IFIH1: variants seen among roughly 807,000 people sequenced by gnomAD.
IFIH1 encodes interferon induced with helicase C domain 1, also known as interferon-induced helicase C domain-containing protein 1.
In IFIH1, 125 loss-of-function variants were observed where a neutral mutation model predicts 107.4. That is an observed-to-expected ratio of 1.16 (90% confidence interval 1.01 to 1.35). The LOEUF is 1.35. Ranked by LOEUF, IFIH1 falls within the 40% of genes most tolerant of loss-of-function variation. The pLI, the probability that IFIH1 is intolerant of heterozygous loss-of-function variation, is 0.00. For synonymous variants in IFIH1, 458 were observed against 413.2 expected (o/e 1.11, Z -1.31); for missense variants, 1,333 against 1,213.7 (o/e 1.10, Z -1.46).
chr2:162,290,872 T>C (rs904627462), intron 4 of IFIH1, among the ~76,000 whole-genome samples: 1 of 151,906 alleles, frequency 6.6e-6, no homozygotes, highest in African/African-American at 2.4e-5. Flanking sequence ...TCACATCCTC[T>C]GACACAGGGA....
At chr2:162,273,672 C>A in intron 12 of IFIH1, 123 bp downstream of exon 12, 1 of 734,604 alleles carries the variant, frequency 1.4e-6, no homozygotes, top group South Asian at 2.3e-5. Flanking sequence ...GCTCTTTTAA[C>A]AGGAAAAAGG....
chr2:162,281,471 A>G lies in IFIH1; in HGVS notation c.1381T>C (p.Tyr461His). The change falls in exon 7 of 16, where the codon TAT becomes CAT. Residue 461 changes from tyrosine (Y) to histidine (H), a missense_variant. Transcript: ENST00000649979. ...EAVYNNIMRH[Y>H]LMQKLKNNRL... ...TTGTTTTTCAACTTCTGCATCAAATAATGCCTCATGATGTTATTATACACT... is the reference window on the plus strand; with the variant it reads ...TTGTTTTTCAACTTCTGCATCAAATGATGCCTCATGATGTTATTATACACT... The G allele has an allele frequency of 6.2e-7, 1 of 1,612,260 alleles. No homozygotes were observed. The highest frequency in any genetic ancestry group is 8.5e-7 in the Non-Finnish European group (1 of 1,178,818).
rs76533631 is a variant in IFIH1 at position 162,317,384 on chromosome 2, A to G, written c.453+471T>C. On this transcript the variant is annotated intron_variant, in intron 1 of 15. Coordinates refer to ENST00000649979, the MANE Select transcript of IFIH1 (RefSeq NM_022168.4). ...TTACTAACCCCTGCTCCATGGAACT[A>G]CATTAAATAAGAAAAACATTCAACA... Among the ~76,000 whole-genome samples, 21 of 152,324 alleles carry G rather than the reference A, an allele frequency of 1.4e-4. No individual in the cohort carries two copies. In the East Asian group the frequency reaches 3.3e-3, roughly 24 times the overall value.
chr2:162,282,348 AT>A lies in IFIH1; in HGVS notation c.1306+17del, dbSNP rs764572412. ...TATTACTATTAATTTTTTTAAAAAA[AT>A]AAACACTTAAACTGACCTGACAATT... On this transcript the variant is annotated intron_variant, in intron 6 of 15. Coordinates refer to ENST00000649979, the MANE Select transcript of IFIH1 (RefSeq NM_022168.4). 3 of 1,528,940 alleles carry A rather than the reference AT, an allele frequency of 2.0e-6. No individual in the cohort carries two copies. The highest frequency in any genetic ancestry group is 2.7e-6 in the Non-Finnish European group (3 of 1,125,360). 94.7% of individuals were successfully genotyped at this position (1,528,940 alleles called of 1,614,324 possible). A position where few individuals can be genotyped will look rare whatever the true frequency, so the allele number is the denominator to read the frequency against.
chr2:162,290,156 C>G (rs546130520), intron 4 of IFIH1, among the ~76,000 whole-genome samples: 140 of 151,658 alleles, frequency 9.2e-4, no homozygotes, highest in Non-Finnish European at 1.2e-3. Context: ...AGGAATAAAT[C>G]CTCTTTGTTT....
intron 1 of IFIH1, among the ~76,000 whole-genome samples, chr2:162,314,122 G>C (rs1358265873): frequency 6.6e-6 from 1 of 152,158 alleles, no homozygotes; most frequent in Admixed American, 6.5e-5. Context: ...CAGAGTTCAT[G>C]ACTGCCTAAA....
At position 162,268,222 on chromosome 2, in the gene IFIH1, T is replaced by C; in HGVS notation, c.2672A>G (p.Asn891Ser). The change falls in exon 14 of 16, where the codon AAT (asparagine) becomes AGT (serine). Residue 891 changes from asparagine to serine, a missense_variant. By Grantham distance (46) the Asn-to-Ser change is conservative. Coordinates refer to ENST00000649979, the MANE Select transcript of IFIH1 (RefSeq NM_022168.4). Reference sequence around the variant, plus strand: ...GTTATTCTTGTAATGCTTGGCAATATTTCTCTTGGTTTTCATTTTCTTTTC... The same window carrying C: ...GTTATTCTTGTAATGCTTGGCAATACTTCTCTTGGTTTTCATTTTCTTTTC... ...IMEKKMKTKR[N>S]IAKHYKNNPS... The C allele has an allele frequency of 6.2e-7, 1 of 1,612,878 alleles. No homozygotes were observed. Among genetic ancestry groups the C allele is most frequent in the South Asian group, 1.1e-5 (1 of 90,928 alleles).
At chr2:162,309,042 A>G (rs1683343153) in intron 2 of IFIH1, among the ~76,000 whole-genome samples, 1 of 152,214 alleles carries the variant, frequency 6.6e-6, no homozygotes, top group Admixed American at 6.5e-5. Context: ...TGGGACAGGC[A>G]TAGGATGGAC....
chr2:162,292,369 G>A (rs1683009533), intron 4 of IFIH1, among the ~76,000 whole-genome samples: 1 of 151,824 alleles, frequency 6.6e-6, no homozygotes, highest in Non-Finnish European at 1.5e-5. Flanking sequence ...AACAGAAAAT[G>A]AATTCACCCT....
At chr2:162,306,649 C>A (rs1358898012) in intron 3 of IFIH1, 60 bp downstream of exon 3, 2 of 1,394,952 alleles carry the variant, frequency 1.4e-6, no homozygotes, top group African/African-American at 1.4e-5. Context: ...TAGGTTCTGC[C>A]CAGTTGGTTT....
chr2:162,298,776 A>T (rs925112621), intron 3 of IFIH1, among the ~76,000 whole-genome samples: 19 of 150,750 alleles, frequency 1.3e-4, no homozygotes, highest in African/African-American at 4.4e-4. Context: ...CTACACACAC[A>T]CGCACGCGCG....
chr2:162,306,894 T>C (rs1683291152), intron 2 of IFIH1, 39 bp from the exon 3 acceptor site: 1 of 1,596,802 alleles, frequency 6.3e-7, no homozygotes, highest in African/African-American at 1.3e-5. Context: ...CATAGTGCCA[T>C]ACAAGTTTTT....
At position 162,267,545 on chromosome 2, in the gene IFIH1, G is replaced by C. The variant is rs1218023983; in HGVS notation, c.2832C>G (p.Asn944Lys). The change falls in exon 15 of 16, where the codon AAC becomes AAG. Residue 944 changes from asparagine to lysine, a missense_variant. By Grantham distance (94) the Asn-to-Lys change is moderately conservative. Coordinates refer to ENST00000649979, the MANE Select transcript of IFIH1 (RefSeq NM_022168.4). Reference sequence around the variant, plus strand: ...CGGCACACTTCTTTTGCAGTGCTTTGTTTTCTCTTACAATGTAAAGTTCCC... The same window carrying C: ...CGGCACACTTCTTTTGCAGTGCTTTCTTTTCTCTTACAATGTAAAGTTCCC... Reference protein sequence around the residue: ...EFKELYIVRENKALQKKCADY... With the variant: ...EFKELYIVREKKALQKKCADY... 1 of 1,612,038 alleles carries C rather than the reference G, an allele frequency of 6.2e-7. No homozygotes were observed. Among genetic ancestry groups the C allele is most frequent in the Non-Finnish European group, 8.5e-7 (1 of 1,178,104 alleles).
chr2:162,282,989 C>CATG (rs1485544258), intron 5 of IFIH1, among the ~76,000 whole-genome samples: 3 of 150,858 alleles, frequency 2.0e-5, no homozygotes, highest in African/African-American at 4.9e-5. Context: ...TCTAGTAAGC[C>CATG]ATGAGTCAGT....
At position 162,267,474 on chromosome 2, in the gene IFIH1, C is replaced by G. The variant is rs958493507; in HGVS notation, c.2898+5G>C. 9 of 1,612,974 alleles carry G rather than the reference C, an allele frequency of 5.6e-6. No homozygotes were observed. The highest frequency in any genetic ancestry group is 1.3e-5 in the African/African-American group (1 of 74,914). On this transcript the variant is annotated splice_donor_5th_base_variant and intron_variant, in intron 15 of 15. Coordinates refer to ENST00000649979, the MANE Select transcript of IFIH1 (RefSeq NM_022168.4). ...GTAAAATCTGGCCCACAGCAATTTA[C>G]TCACCTGGCCACATTTGCAGATGAT...
chr2:162,306,165 G>A lies in IFIH1; in HGVS notation c.769+544C>T, dbSNP rs938773846. Among the ~76,000 whole-genome samples the A allele has an allele frequency of 2.6e-5, 4 of 152,204 alleles. No homozygotes were observed. The South Asian group carries it at 8.3e-4, about 32-fold the overall frequency. On this transcript the variant is annotated intron_variant, in intron 3 of 15. Coordinates refer to ENST00000649979, the MANE Select transcript of IFIH1 (RefSeq NM_022168.4). Reference sequence around the variant, plus strand: ...TAATTAAATAATTTGTTTCTGCCAGGGCTGTTTCAGTATCAAAAAGGTGGA... The same window carrying A: ...TAATTAAATAATTTGTTTCTGCCAGAGCTGTTTCAGTATCAAAAAGGTGGA...
Position 162,273,963 on chromosome 2 carries a change from A to G in IFIH1, c.2305-19T>C, listed in dbSNP as rs74162085. 5,683 of 1,536,048 alleles carry G rather than the reference A, an allele frequency of 3.7e-3. 200 individuals carry two copies. The African/African-American group carries it at 0.071, about 19-fold the overall frequency. On this transcript the variant is annotated intron_variant, in intron 11 of 15. Transcript: ENST00000649979. ...GTTCATTCTGTAGAAACATTTTAATAAATTAAATTTTGTGATGCTAAACAC... is the reference window on the plus strand; with the variant it reads ...GTTCATTCTGTAGAAACATTTTAATGAATTAAATTTTGTGATGCTAAACAC...
intron 8 of IFIH1, 40 bp downstream of exon 8, chr2:162,279,956 A>T: frequency 2.0e-6 from 2 of 995,732 alleles, no homozygotes; most frequent in Non-Finnish European, 3.2e-6. Context: ...TACTGAATGT[A>T]GTATTGTCAA....
intron 4 of IFIH1, among the ~76,000 whole-genome samples, chr2:162,289,902 T>C (rs953217748): frequency 6.6e-6 from 1 of 151,956 alleles, no homozygotes; most frequent in African/African-American, 2.4e-5. Context: ...ATATTTACAA[T>C]AGTTCATCTT....
Sources: allele counts gnomAD v4.1 joint callset (sites outside exome capture counted in the v4.1 genomes callset), GRCh38; gene constraint gnomAD v4.1.1; transcripts MANE v1.5; gene names NCBI Gene and HGNC (gene_info 2026-07-23, HGNC 2026-07-21).